The following FMNL2 variants were observed in gnomAD, a reference collection of about 807,000 sequenced individuals.
FMNL2 encodes formin like 2.
Under a neutral mutation model 130.2 loss-of-function variants are expected in FMNL2, and 51 were observed. The ratio of observed to expected loss-of-function variants is 0.39; its 90% CI spans 0.31 to 0.49. FMNL2 has a LOEUF of 0.49. Among genes scored for constraint, FMNL2 ranks in the 20% least tolerant of loss-of-function variants. FMNL2 has a pLI of 0.85. For missense variants in FMNL2, 977 were observed against 1,316.2 expected (o/e 0.74, Z 3.99); for synonymous variants, 465 against 467.1 (o/e 1.00, Z 0.06).
At chr2:152,607,005 T>C (rs28441578) in intron 9 of FMNL2, among the ~76,000 whole-genome samples, 2 of 130,704 alleles carry the variant, frequency 1.5e-5, no homozygotes, top group African/African-American at 2.8e-5. Context: ...TTTTTTTTTT[T>C]GTTTTTTTTT....
intron 1 of FMNL2, among the ~76,000 whole-genome samples, chr2:152,443,989 G>A (rs572136091): frequency 7.9e-5 from 12 of 152,192 alleles, no homozygotes; most frequent in Non-Finnish European, 1.2e-4. Context: ...GACTCAGCCT[G>A]CTTTGGGCCA....
At chr2:152,470,863 AG>A (rs748554374) in intron 1 of FMNL2, among the ~76,000 whole-genome samples, 1 of 152,230 alleles carries the variant, frequency 6.6e-6, no homozygotes, top group Non-Finnish European at 1.5e-5. Context: ...ACTGTGGCTA[AG>A]GGATTAAATA....
chr2:152,344,317 C>T (rs6715038), intron 1 of FMNL2, among the ~76,000 whole-genome samples: 82,448 of 152,002 alleles, frequency 0.54, 26,799 homozygotes, highest in Non-Finnish European at 0.75. Context: ...TAGATGTTTT[C>T]CCCCTTTTTC....
chr2:152,416,327 A>G (rs566265851), intron 1 of FMNL2, among the ~76,000 whole-genome samples: 5 of 152,316 alleles, frequency 3.3e-5, no homozygotes, highest in African/African-American at 1.2e-4. Context: ...CATTTCTGGA[A>G]TTGACTTGGG....
intron 7 of FMNL2, among the ~76,000 whole-genome samples, chr2:152,576,233 C>T (rs1470832830): frequency 1.3e-5 from 2 of 152,066 alleles, no homozygotes; most frequent in Non-Finnish European, 2.9e-5. Context: ...GGGAAACATG[C>T]ATTTATTCTT....
chr2:152,476,952 C>A (rs2105210219), intron 1 of FMNL2, among the ~76,000 whole-genome samples: 1 of 152,212 alleles, frequency 6.6e-6, no homozygotes, highest in South Asian at 2.1e-4. Context: ...GGCAGAAATT[C>A]CTATCTGGGA....
At chr2:152,605,199 A>G (rs951034993) in intron 9 of FMNL2, among the ~76,000 whole-genome samples, 2 of 152,104 alleles carry the variant, frequency 1.3e-5, no homozygotes, top group Non-Finnish European at 1.5e-5. Context: ...AAAATGATCC[A>G]TAGTGCTTTT....
chr2:152,389,187 A>G (rs1239984057), intron 1 of FMNL2, among the ~76,000 whole-genome samples: 1 of 152,124 alleles, frequency 6.6e-6, no homozygotes, highest in Non-Finnish European at 1.5e-5. Context: ...AGTACTATAA[A>G]TTAGGTAGCT....
chr2:152,504,128 T>C (rs1248114373), intron 1 of FMNL2, among the ~76,000 whole-genome samples: 1 of 151,652 alleles, frequency 6.6e-6, no homozygotes, highest in African/African-American at 2.4e-5. Context: ...GAGGCGGAGG[T>C]TGCAGCAAGC....
At chr2:152,491,941 A>G (rs932728638) in intron 1 of FMNL2, among the ~76,000 whole-genome samples, 2 of 152,152 alleles carry the variant, frequency 1.3e-5, no homozygotes, top group African/African-American at 4.8e-5. Flanking sequence ...ACAGAGTGAG[A>G]CTTCATCTCA....
intron 9 of FMNL2, among the ~76,000 whole-genome samples, chr2:152,605,639 T>G (rs535347632): frequency 3.4e-5 from 5 of 148,680 alleles, no homozygotes; most frequent in African/African-American, 1.0e-4. Flanking sequence ...TTAAAGACTT[T>G]ACTTTAGACT....
At position 152,518,178 on chromosome 2, in the gene FMNL2, A is replaced by G. The variant is rs549067381; in HGVS notation, c.118-3765A>G. Among the ~76,000 whole-genome samples, 8 of 152,338 alleles carry G rather than the reference A, an allele frequency of 5.3e-5. No homozygotes were observed. The South Asian group carries it at 1.7e-3, about 32-fold the overall frequency. On this transcript the variant is annotated intron_variant, in intron 1 of 25. Transcript: ENST00000288670. ...AAGAAGTTTAAAGGCAGTTATTACC[A>G]GCTAATCACAACATCCCTGAACTTT...
chr2:152,452,537 TC>T (rs35563737), intron 1 of FMNL2, among the ~76,000 whole-genome samples: 151,164 of 152,138 alleles, frequency 0.99, 75,106 homozygotes, highest in Middle Eastern at 1. Flanking sequence ...TTTGCACTCC[TC>T]CCCCCCCTAG....
intron 2 of FMNL2, among the ~76,000 whole-genome samples, chr2:152,530,725 T>A (rs1693641706): frequency 6.6e-6 from 1 of 152,216 alleles, no homozygotes. Context: ...CCTACAGTGT[T>A]CTTGATGAAC....
chr2:152,640,725 T>C (rs1683011179), intron 24 of FMNL2, 66 bp from the exon 25 acceptor site: 1 of 1,563,438 alleles, frequency 6.4e-7, no homozygotes, highest in African/African-American at 1.4e-5. Context: ...CTCAGGCACA[T>C]TTTGGATTTT....
chr2:152,616,029 T>G (rs1382097641), intron 12 of FMNL2, among the ~76,000 whole-genome samples: 22 of 152,190 alleles, frequency 1.4e-4, no homozygotes, highest in Admixed American at 1.4e-3. Flanking sequence ...ATATCTTCCC[T>G]TAGAAGATTT....
chr2:152,558,685 T>A (rs1695359107), intron 4 of FMNL2, 55 bp from the exon 5 acceptor site: 1 of 1,499,558 alleles, frequency 6.7e-7, no homozygotes, highest in African/African-American at 1.4e-5. Flanking sequence ...GTCCGTTCCA[T>A]GGCAGGTCAT....
chr2:152,637,099 G>C (rs1414096461), intron 22 of FMNL2, among the ~76,000 whole-genome samples: 2 of 152,200 alleles, frequency 1.3e-5, no homozygotes, highest in South Asian at 4.1e-4. Flanking sequence ...GGGCAATCTT[G>C]TATCATGGAA....
intron 1 of FMNL2, among the ~76,000 whole-genome samples, chr2:152,467,503 G>A (rs1191222723): frequency 6.6e-6 from 1 of 152,172 alleles, no homozygotes; most frequent in Non-Finnish European, 1.5e-5. Flanking sequence ...GGCTGACAGA[G>A]CTTTTCCCCT....
Sources: allele counts gnomAD v4.1 joint callset (sites outside exome capture counted in the v4.1 genomes callset), GRCh38; gene constraint gnomAD v4.1.1; transcripts MANE v1.5; gene names NCBI Gene and HGNC (gene_info 2026-07-23, HGNC 2026-07-21).